The following HADHB variants were observed in gnomAD, a reference collection of about 807,000 sequenced individuals.
HADHB encodes the protein hydroxyacyl-CoA dehydrogenase trifunctional multienzyme complex subunit beta.
Under a neutral mutation model 61.9 loss-of-function variants are expected in HADHB, and 50 were observed. The observed-to-expected ratio is 0.81, with a 90% CI of 0.64 to 1.02. The LOEUF (loss-of-function observed/expected upper bound fraction) is 1.02. HADHB is among the 50% of genes least tolerant of loss of function. The pLI, the probability that HADHB is intolerant of heterozygous loss-of-function variation, is 0.00. For synonymous variants in HADHB, 191 were observed against 201.6 expected, an observed-to-expected ratio of 0.95 and a Z score of 0.45; for missense variants, 504 against 586.5, an observed-to-expected ratio of 0.86 and a Z score of 1.45.
intron 10 of HADHB, among the ~76,000 whole-genome samples, 176 bp from the exon 11 acceptor site, chr2:26,282,669 C>A (rs1263845487): frequency 1.3e-5 from 2 of 152,186 alleles, no homozygotes; most frequent in South Asian, 4.1e-4. Context: ...AATGAGTCAG[C>A]GTGTGTATGT....
intron 1 of HADHB, among the ~76,000 whole-genome samples, chr2:26,253,239 AG>A (rs1175256174): frequency 1.3e-5 from 2 of 152,168 alleles, no homozygotes; most frequent in Admixed American, 6.5e-5. Flanking sequence ...TTTAACATAT[AG>A]GGTTATTATA....
intron 6 of HADHB, among the ~76,000 whole-genome samples, chr2:26,274,965 T>C (rs1042467625): frequency 6.6e-6 from 1 of 152,236 alleles, no homozygotes; most frequent in Non-Finnish European, 1.5e-5. Flanking sequence ...AATGTTTTCC[T>C]CTGAAATTTT....
At chr2:26,261,373 TTCTAATCTACAC>T (rs1255810596) in intron 3 of HADHB, 6 of 235,134 alleles carry the variant, frequency 2.6e-5, no homozygotes, top group Non-Finnish European at 5.0e-5. Context: ...TTTCATGACT[TTCTAATCTACAC>T]TCATTTCTCT....
At chr2:26,255,985 T>C (rs1424660094) in intron 3 of HADHB, among the ~76,000 whole-genome samples, 1 of 152,246 alleles carries the variant, frequency 6.6e-6, no homozygotes, top group Non-Finnish European at 1.5e-5. Context: ...TCATTCTGAA[T>C]ACCAGCAGAG....
At chr2:26,278,846 T>C (rs1672665633) in intron 8 of HADHB, 45 bp downstream of exon 8, 1 of 1,506,862 alleles carries the variant, frequency 6.6e-7, no homozygotes, top group Admixed American at 1.7e-5. Context: ...AGATTTAGAA[T>C]TAGGTATGGC....
At chr2:26,282,177 G>A (rs1553322558) in intron 10 of HADHB, among the ~76,000 whole-genome samples, 1 of 150,966 alleles carries the variant, frequency 6.6e-6, no homozygotes, top group Non-Finnish European at 1.5e-5. Context: ...TGTTTATTTT[G>A]GTTCATATTT....
At chr2:26,262,643 A>G (rs1303486362) in intron 3 of HADHB, among the ~76,000 whole-genome samples, 1 of 152,254 alleles carries the variant, frequency 6.6e-6, no homozygotes, top group Non-Finnish European at 1.5e-5. Context: ...TTTGCAGAAT[A>G]GCAAGTCACC....
Position 26,289,947 on chromosome 2 carries a change from A to G in HADHB, c.1419A>G (p.Pro473=). 1 of 1,606,624 alleles carries G rather than the reference A, an allele frequency of 6.2e-7. No individual in the cohort carries two copies. The highest frequency in any genetic ancestry group is 1.1e-5 in the South Asian group (1 of 90,914). Residue 473 remains proline (P), a synonymous_variant, in exon 16 of 16, where the codon CCA becomes CCG. Coordinates refer to ENST00000317799, the MANE Select transcript of HADHB (RefSeq NM_000183.3). ...QGHAMIVEAY[P]K The stretch of plus-strand genomic sequence containing the variant: ...ATGCTATGATAGTGGAAGCTTATCC[A>G]AAATAATAGATCCAGAAGAAGTGAC...
At chr2:26,289,880 C>T (rs1049251878) in intron 15 of HADHB, 38 bp from the exon 16 acceptor site, 3 of 1,468,136 alleles carry the variant, frequency 2.0e-6, no homozygotes, top group East Asian at 2.3e-5. Flanking sequence ...GGATTCATCA[C>T]CATTCATTGC....
chr2:26,268,982 A>G (rs1672218332), intron 4 of HADHB, among the ~76,000 whole-genome samples: 1 of 151,960 alleles, frequency 6.6e-6, no homozygotes, highest in South Asian at 2.1e-4. Context: ...TCCCATCTCT[A>G]CTAAAAATAC....
chr2:26,261,357 TCAATA>T, intron 3 of HADHB: 12 of 272,928 alleles, frequency 4.4e-5, no homozygotes, highest in East Asian at 6.1e-5. Context: ...ATTCTAAGCT[TCAATA>T]TTTCATGACT....
chr2:26,267,771 C>CAAA (rs772133699), intron 4 of HADHB, among the ~76,000 whole-genome samples: 2 of 67,446 alleles, frequency 3.0e-5, no homozygotes, highest in Non-Finnish European at 6.4e-5. Flanking sequence ...GACTCTGTCT[C>CAAA]AAAAAAAAAA....
intron 1 of HADHB, among the ~76,000 whole-genome samples, chr2:26,249,101 C>T (rs1366733658): frequency 6.6e-6 from 1 of 151,684 alleles, no homozygotes. Context: ...TGAGGTTGAA[C>T]ATTATACATT....
rs751550829 is a variant in HADHB, at chr2:26,278,792, A to G, written c.621A>G (p.Leu207=). 3 of 1,613,942 alleles carry G rather than the reference A, an allele frequency of 1.9e-6. No individual in the cohort carries two copies. The highest frequency in any genetic ancestry group is 2.5e-6 in the Non-Finnish European group (3 of 1,179,788). The change falls in exon 8 of 16, where the codon CTA becomes CTG. Residue 207 remains leucine (L), a synonymous_variant. Coordinates refer to ENST00000317799, the MANE Select transcript of HADHB (RefSeq NM_000183.3). ...SLISKFRFNF[L]APELPAVSEF... ...TCTCTAAATTCCGATTTAATTTCCT[A>G]GCACCTGAGGTAAGGCTTGTGTTTG...
At chr2:26,245,407 G>A (rs887824636) in intron 1 of HADHB, 1 of 152,272 alleles carries the variant, frequency 6.6e-6, no homozygotes, top group Non-Finnish European at 1.5e-5. Context: ...GGCGCCATGG[G>A]TTTGCCCGAT....
chr2:26,290,431 G>T lies in HADHB; in HGVS notation c.*478G>T. On this transcript the variant is annotated 3_prime_UTR_variant, in exon 16 of 16. Coordinates refer to ENST00000317799, the MANE Select transcript of HADHB (RefSeq NM_000183.3). ...AAAAAATGTTTAGATACATAAATAT[G>T]GTGGTCAGCGTTAATAAAGTGGAGA... 1 of 183,338 alleles carries T rather than the reference G, an allele frequency of 5.5e-6. No individual in the cohort carries two copies. Among genetic ancestry groups the T allele is most frequent in the Admixed American group, 5.5e-5 (1 of 18,340 alleles). The allele number at this position is 183,338 out of a possible 1,614,324, so 11.4% of individuals were successfully genotyped here.
chr2:26,278,901 A>G, intron 8 of HADHB, 100 bp downstream of exon 8: 1 of 1,107,274 alleles, frequency 9.0e-7, no homozygotes, highest in Non-Finnish European at 1.4e-6. Flanking sequence ...TTCTGTAGTT[A>G]CAGGAAAGGG....
intron 15 of HADHB, among the ~76,000 whole-genome samples, chr2:26,288,197 T>A (rs1673119689): frequency 1.3e-5 from 2 of 152,118 alleles, no homozygotes; most frequent in Admixed American, 6.6e-5. Flanking sequence ...CCCGGGATGT[T>A]GAGGCTGTAG....
intron 6 of HADHB, among the ~76,000 whole-genome samples, chr2:26,275,130 G>A (rs1310671677): frequency 6.6e-6 from 1 of 152,162 alleles, no homozygotes; most frequent in Non-Finnish European, 1.5e-5. Flanking sequence ...GATACATTAT[G>A]AGAATGTCAC....
Sources: gnomAD v4.1 joint callset for allele counts (sites outside exome capture counted in the v4.1 genomes callset) on GRCh38, gnomAD v4.1.1 for gene constraint, MANE v1.5 for transcripts, NCBI Gene and HGNC (gene_info 2026-07-23, HGNC 2026-07-21) for gene names.